The following ZSWIM6 variants were observed in gnomAD, a reference collection of about 807,000 sequenced individuals.
ZSWIM6 encodes the protein zinc finger SWIM domain-containing protein 6.
In ZSWIM6, 9 loss-of-function variants were observed where a neutral mutation model predicts 113.2. That is an observed-to-expected ratio of 0.08 (90% confidence interval 0.05 to 0.14). The LOEUF (loss-of-function observed/expected upper bound fraction) is 0.14. ZSWIM6 is among the 10% of genes least tolerant of loss of function. ZSWIM6 has a pLI of 1.00. For synonymous variants in ZSWIM6, 611 were observed against 606.5 expected, an observed-to-expected ratio of 1.01 and a Z score of -0.11; for missense variants, 1,162 against 1,552.2, an observed-to-expected ratio of 0.75 and a Z score of 4.22.
At chr5:61,370,553 A>AT (rs1745243649) in intron 1 of ZSWIM6, among the ~76,000 whole-genome samples, 2 of 152,200 alleles carry the variant, frequency 1.3e-5, no homozygotes, top group Admixed American at 6.5e-5. Context: ...CCATTGTCTT[A>AT]TTTTGGACAT....
intron 1 of ZSWIM6, among the ~76,000 whole-genome samples, chr5:61,382,820 GAAA>G (rs1745512988): frequency 1.4e-5 from 1 of 72,742 alleles, no homozygotes; most frequent in African/African-American, 3.4e-5. Context: ...AAAAAAAAAA[GAAA>G]GAAAGAAAGA....
At chr5:61,332,999 TGG>T (rs369791585) in intron 1 of ZSWIM6, 51 bp downstream of exon 1, 297 of 618,586 alleles carry the variant, frequency 4.8e-4, no homozygotes, top group Middle Eastern at 7.1e-4. Flanking sequence ...AGTCCCTGGG[TGG>T]GGGGGGGGTG....
intron 1 of ZSWIM6, among the ~76,000 whole-genome samples, chr5:61,408,437 A>C (rs985476942): frequency 2.0e-5 from 3 of 152,242 alleles, no homozygotes; most frequent in Non-Finnish European, 2.9e-5. Flanking sequence ...TGTTTTAATA[A>C]AATGTTTTAA....
chr5:61,441,144 A>G (rs954004217), intron 1 of ZSWIM6, among the ~76,000 whole-genome samples: 1 of 152,322 alleles, frequency 6.6e-6, no homozygotes, highest in Non-Finnish European at 1.5e-5. Flanking sequence ...CATCTAGATT[A>G]GAGATAATCT....
chr5:61,412,926 G>A (rs1364962910), intron 1 of ZSWIM6, among the ~76,000 whole-genome samples: 2 of 151,384 alleles, frequency 1.3e-5, no homozygotes, highest in African/African-American at 2.4e-5. Context: ...GGTACATATT[G>A]CTGAGCAAAA....
At chr5:61,429,468 GATGAAGGAA>G (rs1334619691) in intron 1 of ZSWIM6, among the ~76,000 whole-genome samples, 3 of 152,218 alleles carry the variant, frequency 2.0e-5, no homozygotes, top group Non-Finnish European at 4.4e-5. Context: ...CTTTGGCCGA[GATGAAGGAA>G]ATGAAGGAAT....
chr5:61,418,555 G>A (rs1387613561), intron 1 of ZSWIM6, among the ~76,000 whole-genome samples: 1 of 151,968 alleles, frequency 6.6e-6, no homozygotes, highest in Non-Finnish European at 1.5e-5. Flanking sequence ...CACTGTGCCC[G>A]GCCTACTCTA....
chr5:61,410,405 G>A lies in ZSWIM6; in HGVS notation c.677-62276G>A, dbSNP rs560049054. ...GCTCACTGCAACCTCTGACTCCCTG[G>A]TTCAGGCGATTCTCCTGCCTCAGCC... On this transcript the variant is annotated intron_variant, in intron 1 of 13. Transcript: ENST00000252744. Among the ~76,000 whole-genome samples, 15 of 150,956 alleles carry A rather than the reference G, an allele frequency of 9.9e-5. No homozygotes were observed. The South Asian group carries it at 3.1e-3, about 31-fold the overall frequency.
At chr5:61,416,610 T>C (rs982832037) in intron 1 of ZSWIM6, among the ~76,000 whole-genome samples, 1 of 152,236 alleles carries the variant, frequency 6.6e-6, no homozygotes, top group African/African-American at 2.4e-5. Flanking sequence ...GTTTGATCCC[T>C]GTAGGTCCAT....
chr5:61,539,083 G>A (rs1431303318), intron 11 of ZSWIM6, 112 bp downstream of exon 11: 1 of 1,208,566 alleles, frequency 8.3e-7, no homozygotes, highest in Admixed American at 3.5e-5. Context: ...CAGATAGGTT[G>A]AAGGGATCTT....
chr5:61,462,478 C>A (rs1322841258), intron 1 of ZSWIM6, among the ~76,000 whole-genome samples: 2 of 152,122 alleles, frequency 1.3e-5, no homozygotes, highest in African/African-American at 4.8e-5. Context: ...AAAATTGGAA[C>A]AACAGAAAAA....
intron 4 of ZSWIM6, among the ~76,000 whole-genome samples, chr5:61,514,486 T>C (rs1312076584): frequency 6.6e-6 from 1 of 152,054 alleles, no homozygotes; most frequent in Non-Finnish European, 1.5e-5. Flanking sequence ...TCTTTTGCTA[T>C]TATTGTGTTA....
At chr5:61,412,604 C>T (rs936209815) in intron 1 of ZSWIM6, among the ~76,000 whole-genome samples, 4 of 152,138 alleles carry the variant, frequency 2.6e-5, no homozygotes, top group Non-Finnish European at 5.9e-5. Context: ...AAGCAAGTTC[C>T]GCAGTGAAAA....
Position 61,539,636 on chromosome 5 carries a change from G to C in ZSWIM6, c.2580G>C (p.Gln860His). The change falls in exon 12 of 14, where the codon CAG (glutamine) becomes CAC (histidine). Residue 860 changes from glutamine to histidine, a missense_variant. Physicochemically the swap from Gln to His is conservative, Grantham distance 24. Coordinates refer to ENST00000252744, the MANE Select transcript of ZSWIM6 (RefSeq NM_020928.2). ...RRLETVLESI[Q>H]KNIHSSSHIF... ...TGGAAACAGTATTAGAATCCATCCAGAAAAACATTCACTCCTCATCACACA... is the reference window on the plus strand; with the variant it reads ...TGGAAACAGTATTAGAATCCATCCACAAAAACATTCACTCCTCATCACACA... The C allele has an allele frequency of 6.4e-7, 1 of 1,551,978 alleles. No homozygotes were observed.
At chr5:61,382,668 G>T (rs1489373979) in intron 1 of ZSWIM6, among the ~76,000 whole-genome samples, 1 of 152,114 alleles carries the variant, frequency 6.6e-6, no homozygotes, top group African/African-American at 2.4e-5. Context: ...AGCTGGGCAT[G>T]GTGGTGCACT....
intron 1 of ZSWIM6, among the ~76,000 whole-genome samples, chr5:61,366,042 C>T (rs990787360): frequency 2.5e-4 from 38 of 152,002 alleles, no homozygotes; most frequent in African/African-American, 8.9e-4. Context: ...CTACAGGCGC[C>T]GGGCACCATG....
Sources: gnomAD v4.1 joint callset for allele counts (sites outside exome capture counted in the v4.1 genomes callset) on GRCh38, gnomAD v4.1.1 for gene constraint, MANE v1.5 for transcripts, NCBI Gene and HGNC (gene_info 2026-07-23, HGNC 2026-07-21) for gene names.